MAF: variants seen among roughly 807,000 people sequenced by gnomAD.
MAF encodes the protein MAF bZIP transcription factor, also known as transcription factor Maf.
Under a neutral mutation model 22.0 loss-of-function variants are expected in MAF, and 10 were observed. That is an observed-to-expected ratio of 0.45 (90% CI 0.28 to 0.77). MAF has a LOEUF of 0.77. Among genes scored for constraint, MAF ranks in the 30% least tolerant of loss-of-function variants. The probability of loss-of-function intolerance (pLI) is 0.12; values close to 1 mark genes in which losing one functional copy is unlikely to be tolerated. For synonymous variants in MAF, 337 were observed against 255.8 expected, an observed-to-expected ratio of 1.32 and a Z score of -3.03; for missense variants, 544 against 548.4, an observed-to-expected ratio of 0.99 and a Z score of 0.08.
chr16:79,301,040 C>A, the MAF span, among the ~76,000 whole-genome samples: 1 of 151,638 alleles, frequency 6.6e-6, no homozygotes, highest in South Asian at 2.1e-4. Context: ...CAAAATAGGT[C>A]CCCTGAAAAA....
At chr16:79,517,985 C>T in the MAF span, among the ~76,000 whole-genome samples, 2 of 152,198 alleles carry the variant, frequency 1.3e-5, no homozygotes, top group African/African-American at 4.8e-5. Context: ...TGTCTGGAAA[C>T]TCAACAGTAG....
the MAF span, among the ~76,000 whole-genome samples, chr16:79,367,678 C>T: frequency 6.6e-6 from 1 of 152,098 alleles, no homozygotes; most frequent in Non-Finnish European, 1.5e-5. Context: ...TCAGTGTGGC[C>T]AAGGAACTGA....
At chr16:79,503,471 C>T in the MAF span, among the ~76,000 whole-genome samples, 1 of 152,140 alleles carries the variant, frequency 6.6e-6, no homozygotes, top group Admixed American at 6.5e-5. Context: ...GAACTTAAGC[C>T]ACTATCATCC....
At chr16:79,508,519 G>A in the MAF span, among the ~76,000 whole-genome samples, 3 of 152,172 alleles carry the variant, frequency 2.0e-5, no homozygotes, top group East Asian at 5.8e-4. Context: ...TACTGCTTCT[G>A]CTTCCCTCTC....
chr16:79,266,657 T>G, the MAF span, among the ~76,000 whole-genome samples: 6 of 152,212 alleles, frequency 3.9e-5, no homozygotes, highest in Non-Finnish European at 8.8e-5. Flanking sequence ...TTCAACCAGC[T>G]TCTTCATCTT....
the MAF span, among the ~76,000 whole-genome samples, chr16:79,521,116 C>T: frequency 1.5e-4 from 23 of 152,292 alleles, no homozygotes; most frequent in African/African-American, 4.3e-4. Flanking sequence ...GCATCGAAAG[C>T]GCTTAGACGT....
the MAF span, among the ~76,000 whole-genome samples, chr16:79,487,416 G>A: frequency 3.9e-5 from 6 of 152,106 alleles, no homozygotes; most frequent in Non-Finnish European, 7.4e-5. Flanking sequence ...ATACAAATTC[G>A]TGGGCCTATC....
chr16:79,370,334 G>C, the MAF span, among the ~76,000 whole-genome samples: 1 of 152,144 alleles, frequency 6.6e-6, no homozygotes, highest in Non-Finnish European at 1.5e-5. Context: ...TGGTATCATA[G>C]ACCAAAATCC....
chr16:79,595,851 T>G, intron 1 of MAF: 1 of 1,058,718 alleles, frequency 9.4e-7, no homozygotes, highest in Non-Finnish European at 1.1e-6. Flanking sequence ...AAACCAGATA[T>G]GTACTTGGAA....
At chr16:79,305,231 A>G in the MAF span, among the ~76,000 whole-genome samples, 3 of 152,294 alleles carry the variant, frequency 2.0e-5, no homozygotes, top group South Asian at 6.2e-4. Flanking sequence ...TCAGTGATGA[A>G]TAAGGCCCTG....
At chr16:79,394,418 C>T in the MAF span, among the ~76,000 whole-genome samples, 2 of 152,216 alleles carry the variant, frequency 1.3e-5, no homozygotes, top group African/African-American at 4.8e-5. Context: ...TGGTTCCTCC[C>T]TCCCCTGGGC....
chr16:79,502,497 G>A, the MAF span, among the ~76,000 whole-genome samples: 7 of 151,470 alleles, frequency 4.6e-5, no homozygotes, highest in African/African-American at 1.7e-4. Flanking sequence ...TAAACCCTGT[G>A]TCTACAAAAC....
At chr16:79,488,046 A>G in the MAF span, among the ~76,000 whole-genome samples, 3 of 152,222 alleles carry the variant, frequency 2.0e-5, no homozygotes, top group African/African-American at 7.2e-5. Context: ...TGCATCAAGC[A>G]TCGAAAAGTA....
intron 1 of MAF, among the ~76,000 whole-genome samples, chr16:79,587,869 AG>A (rs5818249): frequency 0.41 from 48,308 of 118,774 alleles, 8,907 homozygotes; most frequent in East Asian, 0.51. Context: ...TACTTTCAAA[AG>A]GGGGGGGGGG....
At chr16:79,552,550 T>A in the MAF span, among the ~76,000 whole-genome samples, 1 of 152,220 alleles carries the variant, frequency 6.6e-6, no homozygotes, top group Non-Finnish European at 1.5e-5. Flanking sequence ...AGAGAATTCT[T>A]TATCTTTTCG....
At chr16:79,543,987 A>G in the MAF span, among the ~76,000 whole-genome samples, 5 of 152,086 alleles carry the variant, frequency 3.3e-5, no homozygotes, top group Non-Finnish European at 5.9e-5. Context: ...CACCTGGCCC[A>G]GGCCCTCTTT....
chr16:79,497,585 A>G, the MAF span, among the ~76,000 whole-genome samples: 1 of 152,148 alleles, frequency 6.6e-6, no homozygotes, highest in African/African-American at 2.4e-5. Flanking sequence ...AATTCACCTC[A>G]CAGGCCTCAT....
At chr16:79,301,958 A>T in the MAF span, among the ~76,000 whole-genome samples, 1 of 152,368 alleles carries the variant, frequency 6.6e-6, no homozygotes, top group African/African-American at 2.4e-5. Context: ...GAGCTGCACA[A>T]GGGTGCGTCC....
the MAF span, among the ~76,000 whole-genome samples, chr16:79,303,794 C>G: frequency 2.6e-5 from 4 of 152,036 alleles, no homozygotes; most frequent in African/African-American, 9.7e-5. Flanking sequence ...AACAAACAAG[C>G]AGAGAAAAAG....
Sources: allele counts gnomAD v4.1 joint callset (sites outside exome capture counted in the v4.1 genomes callset), GRCh38; gene constraint gnomAD v4.1.1; transcripts MANE v1.5; gene names NCBI Gene and HGNC (gene_info 2026-07-23, HGNC 2026-07-21).